ITPA: variants seen among roughly 807,000 people sequenced by gnomAD.
ITPA encodes inosine triphosphate pyrophosphatase.
ITPA carries 29 observed loss-of-function variants against 29.6 expected under a neutral mutation model. The observed-to-expected ratio is 0.98, with a 90% CI of 0.73 to 1.34. ITPA has a LOEUF of 1.34. ITPA is among the 40% of genes most tolerant of loss of function. The probability of loss-of-function intolerance (pLI) is 0.00; values close to 1 mark genes in which losing one functional copy is unlikely to be tolerated. For missense variants in ITPA, 241 were observed against 251.5 expected, an observed-to-expected ratio of 0.96 and a Z score of 0.28; for synonymous variants, 103 against 99.3, an observed-to-expected ratio of 1.04 and a Z score of -0.22.
intron 7 of ITPA, among the ~76,000 whole-genome samples, chr20:3,223,015 CT>C (rs911144060): frequency 6.6e-6 from 1 of 152,218 alleles, no homozygotes; most frequent in Admixed American, 6.5e-5. Context: ...TGAGAGGAGA[CT>C]GCTGTGTTTG....
At chr20:3,220,983 C>T (rs1337635931) in intron 6 of ITPA, among the ~76,000 whole-genome samples, 1 of 152,078 alleles carries the variant, frequency 6.6e-6, no homozygotes, top group Admixed American at 6.6e-5. Context: ...GCAGCCTCGA[C>T]CTCTTGGGCT....
intron 7 of ITPA, among the ~76,000 whole-genome samples, chr20:3,222,664 G>A (rs9680022): frequency 0.053 from 8,096 of 152,234 alleles, 708 homozygotes; most frequent in African/African-American, 0.18. Flanking sequence ...CACAAGGCAC[G>A]GGCCATTGTT....
intron 6 of ITPA, among the ~76,000 whole-genome samples, chr20:3,219,542 C>T (rs917408809): frequency 1.3e-5 from 2 of 150,860 alleles, no homozygotes; most frequent in Non-Finnish European, 3.0e-5. Flanking sequence ...GTCAGGAGTT[C>T]AAGAACAGCC....
At chr20:3,213,036 G>A (rs1250250884) in intron 1 of ITPA, 133 bp from the exon 2 acceptor site, 13 of 927,042 alleles carry the variant, frequency 1.4e-5, no homozygotes, top group Non-Finnish European at 2.3e-5. Context: ...CCGGGGTGAG[G>A]CCCACAGGCC....
At chr20:3,225,960 C>T (rs1286665503), downstream of ITPA, among the ~76,000 whole-genome samples, 2 of 152,054 alleles carry the variant, frequency 1.3e-5, no homozygotes, top group African/African-American at 4.8e-5. Context: ...GCCCAGGAGG[C>T]GGAGGTTGCA....
upstream of ITPA, chr20:3,204,548 CG>C: frequency 6.4e-7 from 1 of 1,567,374 alleles, no homozygotes; most frequent in Non-Finnish European, 8.6e-7. Flanking sequence ...TGATGCCGCC[CG>C]GCCCCGGCTG....
chr20:3,219,975 G>C (rs2067417961), intron 6 of ITPA, among the ~76,000 whole-genome samples: 1 of 144,624 alleles, frequency 6.9e-6, no homozygotes, highest in Non-Finnish European at 1.5e-5. Flanking sequence ...CTCGGAGTTT[G>C]ACGGGACAGT....
chr20:3,220,717 T>TAA (rs35002933), intron 6 of ITPA, among the ~76,000 whole-genome samples: 1 of 141,084 alleles, frequency 7.1e-6, no homozygotes, highest in Non-Finnish European at 1.5e-5. Flanking sequence ...TCTGGCTAAT[T>TAA]AAAAAAAAAA....
chr20:3,218,667 G>A (rs1199155595), intron 6 of ITPA, 35 bp downstream of exon 6: 2 of 1,537,564 alleles, frequency 1.3e-6, no homozygotes, highest in Non-Finnish European at 1.8e-6. Context: ...CCCGCCGCGC[G>A]CCGCCAGGGG....
At chr20:3,204,442 T>C (rs910533472), upstream of ITPA, 19 of 1,311,216 alleles carry the variant, frequency 1.4e-5, no homozygotes, top group Non-Finnish European at 2.0e-5. Flanking sequence ...CCCGCCCAGG[T>C]GCGCACGCGC....
chr20:3,209,512 A>G lies in ITPA; in HGVS notation c.-40A>G, dbSNP rs978474382. 1 of 1,589,356 alleles carries G rather than the reference A, an allele frequency of 6.3e-7. No homozygotes were observed. Among genetic ancestry groups the G allele is most frequent in the Non-Finnish European group, 8.6e-7 (1 of 1,157,746 alleles). Reference sequence around the variant, plus strand: ...GGAAGTTTTCTGTCACTGGACGCCAAGGAGTTTTCGGTGGCTCAGCTGGGT... The same window carrying G: ...GGAAGTTTTCTGTCACTGGACGCCAGGGAGTTTTCGGTGGCTCAGCTGGGT... On this transcript the variant is annotated 5_prime_UTR_variant, in exon 1 of 8. Coordinates refer to ENST00000380113, the MANE Select transcript of ITPA (RefSeq NM_033453.4). This position sits in a 1 kb window ranked among gnomAD's most constrained non-coding sequence, Gnocchi z 4.6.
At position 3,223,712 on chromosome 20, in the gene ITPA, A is replaced by G; in HGVS notation, c.*250A>G. Reference sequence around the variant, plus strand: ...TACAGCCGCCAGGCCTGGGGTCCTGAAAGGACCTTGGGTGGTAAAGCTGTA... The same window carrying G: ...TACAGCCGCCAGGCCTGGGGTCCTGGAAGGACCTTGGGTGGTAAAGCTGTA... On this transcript the variant is annotated 3_prime_UTR_variant, in exon 8 of 8. Coordinates refer to ENST00000380113, the MANE Select transcript of ITPA (RefSeq NM_033453.4). 1.8e-6 allele frequency: 1 copy of G among 566,158 alleles called. No homozygotes were observed. Among genetic ancestry groups the G allele is most frequent in the Non-Finnish European group, 3.2e-6 (1 of 315,128 alleles). 35.1% of individuals were successfully genotyped at this position (566,158 alleles called of 1,614,324 possible). A position where few individuals can be genotyped will look rare whatever the true frequency, so the allele number is the denominator to read the frequency against.
upstream of ITPA, chr20:3,204,827 A>T: frequency 7.1e-6 from 4 of 564,374 alleles, no homozygotes; most frequent in Non-Finnish European, 9.4e-6. Context: ...AAATTATAGC[A>T]GACGGTATGT....
chr20:3,226,916 A>G (rs565714596), downstream of ITPA, among the ~76,000 whole-genome samples: 2 of 152,212 alleles, frequency 1.3e-5, no homozygotes, highest in Admixed American at 6.5e-5. The surrounding 1 kb of genome is among the most constrained non-coding windows in gnomAD (Gnocchi z 4.4). Flanking sequence ...CCGTCAAACC[A>G]TTCCCACCCC....
upstream of ITPA, among the ~76,000 whole-genome samples, chr20:3,206,845 G>A (rs1418371702): frequency 6.9e-5 from 10 of 144,910 alleles, no homozygotes; most frequent in Middle Eastern, 3.6e-3. Context: ...AAAAAAAAAA[G>A]AAGAAGAAAG....
chr20:3,206,870 C>G (rs145254749), upstream of ITPA, among the ~76,000 whole-genome samples: 3,752 of 151,302 alleles, frequency 0.025, 153 homozygotes, highest in African/African-American at 0.085. Context: ...AAAAATTAAC[C>G]AGGCATGGTG....
downstream of ITPA, chr20:3,224,002 T>G (rs912706665): frequency 5.9e-6 from 1 of 169,284 alleles, no homozygotes; most frequent in Non-Finnish European, 1.3e-5. Context: ...ACGTCTCCAC[T>G]CGAGTTCTTG....
downstream of ITPA, among the ~76,000 whole-genome samples, chr20:3,225,107 G>C (rs1225225289): frequency 6.6e-6 from 1 of 152,128 alleles, no homozygotes. Flanking sequence ...AGGATTCCGA[G>C]GTGGGAGGAT....
At chr20:3,220,763 C>T (rs2067443137) in intron 6 of ITPA, among the ~76,000 whole-genome samples, 1 of 151,924 alleles carries the variant, frequency 6.6e-6, no homozygotes, top group African/African-American at 2.4e-5. Flanking sequence ...ACTGTGTTGC[C>T]CAGACTGGTC....
Sources: allele counts gnomAD v4.1 joint callset (sites outside exome capture counted in the v4.1 genomes callset), GRCh38; gene constraint gnomAD v4.1.1; non-coding constraint Gnocchi (gnomAD v3.1); transcripts MANE v1.5; gene names NCBI Gene and HGNC (gene_info 2026-07-23, HGNC 2026-07-21).